The following CAB39L variants were observed in gnomAD, a reference collection of about 807,000 sequenced individuals.
The protein encoded by CAB39L is calcium binding protein 39 like.
Under a neutral mutation model 39.1 loss-of-function variants are expected in CAB39L, and 23 were observed. The observed-to-expected ratio is 0.59, with a 90% confidence interval of 0.42 to 0.83. The LOEUF (loss-of-function observed/expected upper bound fraction) is 0.83, where lower values mean the gene tolerates loss of function less well. CAB39L is among the 40% of genes least tolerant of loss of function. The pLI, the probability that CAB39L is intolerant of heterozygous loss-of-function variation, is 0.00. For missense variants in CAB39L, 366 were observed against 391.9 expected, an observed-to-expected ratio of 0.93 and a Z score of 0.56; for synonymous variants, 126 against 137.2, an observed-to-expected ratio of 0.92 and a Z score of 0.57.
At chr13:49,367,234 A>G (rs1173249224) in intron 5 of CAB39L, among the ~76,000 whole-genome samples, 1 of 152,198 alleles carries the variant, frequency 6.6e-6, no homozygotes, top group Non-Finnish European at 1.5e-5. Flanking sequence ...TTTACCAAAG[A>G]GGATATACAG....
At chr13:49,377,277 G>A in intron 4 of CAB39L, 146 bp from the exon 5 acceptor site, 1 of 384,964 alleles carries the variant, frequency 2.6e-6, no homozygotes, top group South Asian at 4.5e-5. Context: ...AACAAAAACA[G>A]TGAGGGGAAT....
At chr13:49,366,188 T>C (rs1955764087) in intron 5 of CAB39L, among the ~76,000 whole-genome samples, 1 of 151,626 alleles carries the variant, frequency 6.6e-6, no homozygotes, top group Non-Finnish European at 1.5e-5. Context: ...CAGGGTGAGA[T>C]GGGGATGGTT....
chr13:49,405,096 A>C (rs1388063179), intron 3 of CAB39L, among the ~76,000 whole-genome samples: 2 of 152,186 alleles, frequency 1.3e-5, no homozygotes, highest in African/African-American at 2.4e-5. Context: ...CACTAAGCAG[A>C]TTTTACCCCC....
chr13:49,316,203 T>G (rs758722618), intron 10 of CAB39L, among the ~76,000 whole-genome samples: 9 of 152,120 alleles, frequency 5.9e-5, no homozygotes, highest in Non-Finnish European at 1.3e-4. Flanking sequence ...AGAGATGCTA[T>G]GAACAATTAT....
intron 5 of CAB39L, among the ~76,000 whole-genome samples, chr13:49,369,919 T>A (rs1594003606): frequency 1.4e-4 from 1 of 7,078 alleles, no homozygotes; most frequent in East Asian, 1.6e-3. Context: ...GATGGAACTG[T>A]TGTTCTTCAT....
At chr13:49,398,865 T>C (rs1055813082) in intron 3 of CAB39L, among the ~76,000 whole-genome samples, 2 of 152,076 alleles carry the variant, frequency 1.3e-5, no homozygotes, top group Non-Finnish European at 2.9e-5. Flanking sequence ...CACCTGACTT[T>C]AGAATGTCCC....
At chr13:49,351,597 T>C (rs1015639627) in intron 6 of CAB39L, among the ~76,000 whole-genome samples, 1 of 152,122 alleles carries the variant, frequency 6.6e-6, no homozygotes, top group African/African-American at 2.4e-5. Context: ...AAGCAAGAAA[T>C]TGACAAGACT....
intron 3 of CAB39L, among the ~76,000 whole-genome samples, chr13:49,384,165 G>A (rs1171580866): frequency 6.6e-6 from 1 of 152,172 alleles, no homozygotes; most frequent in Non-Finnish European, 1.5e-5. Flanking sequence ...CTAAATTTAT[G>A]TAATATTCTA....
chr13:49,350,799 T>C lies in CAB39L; in HGVS notation c.509A>G (p.Lys170Arg). Residue 170 changes from lysine (K) to arginine (R), a missense_variant, in exon 7 of 11, where the codon AAG becomes AGG. Lys to Arg is a conservative substitution (Grantham distance 26). Transcript: ENST00000409308. ...LFSNQFRDFF[K>R]YVELSTFDIA... The stretch of plus-strand genomic sequence containing the variant: ...ATCAAATGTTGACAACTCCACGTAC[T>C]TAAAGAAATCTCTGAATTGATTAGA... 6.2e-7 allele frequency: 1 copy of C among 1,606,090 alleles called. No homozygotes were observed. Among genetic ancestry groups the C allele is most frequent in the Non-Finnish European group, 8.5e-7 (1 of 1,176,444 alleles).
At chr13:49,415,478 G>T (rs971815085) in intron 3 of CAB39L, among the ~76,000 whole-genome samples, 26 of 152,050 alleles carry the variant, frequency 1.7e-4, no homozygotes, top group Admixed American at 1.7e-3. Context: ...CCAAGATCGT[G>T]CCACTGCACT....
rs1339551999 is a variant in CAB39L, at chr13:49,385,920, G to T, written c.-31-2979C>A. 2.2e-5 allele frequency among the ~76,000 whole-genome samples: 3 copies of T among 136,516 alleles called. No homozygotes were observed. In the South Asian group the frequency reaches 7.6e-4, roughly 35 times the overall value. 89.6% of individuals were successfully genotyped at this position (136,516 alleles called of 152,430 possible). A position where few individuals can be genotyped will look rare whatever the true frequency, so the allele number is the denominator to read the frequency against. ...TGAGAATTAACAAAATGTATCAAGA[G>T]ATACAAAGTGAGCACATGCTGGTGA... is the stretch of plus-strand genomic sequence containing the variant. On this transcript the variant is annotated intron_variant, in intron 3 of 10. Coordinates refer to ENST00000409308, the MANE Select transcript of CAB39L (RefSeq NM_001079670.3).
intron 9 of CAB39L, among the ~76,000 whole-genome samples, 166 bp from the exon 10 acceptor site, chr13:49,332,256 T>C (rs1281859155): frequency 2.0e-5 from 3 of 152,186 alleles, no homozygotes; most frequent in Admixed American, 6.5e-5. Flanking sequence ...ATAAAAGCAA[T>C]AGTTATTGAG....
chr13:49,396,581 G>A lies in CAB39L; in HGVS notation c.-31-13640C>T, dbSNP rs897074070. Among the ~76,000 whole-genome samples, 3 of 151,880 alleles carry A rather than the reference G, an allele frequency of 2.0e-5. No homozygotes were observed. In the South Asian group the frequency reaches 6.2e-4, roughly 32 times the overall value. On this transcript the variant is annotated intron_variant, in intron 3 of 10. Coordinates refer to ENST00000409308, the MANE Select transcript of CAB39L (RefSeq NM_001079670.3). ...AAATTAGCCGGGTGTGGTGGCAGGC[G>A]CCTGTAATCCCAGCTACTCAGGAGG...
intron 5 of CAB39L, among the ~76,000 whole-genome samples, chr13:49,370,695 C>A (rs963936905): frequency 6.6e-6 from 1 of 152,192 alleles, no homozygotes; most frequent in Non-Finnish European, 1.5e-5. Flanking sequence ...AGTCTTCATC[C>A]TTATGCAGAT....
chr13:49,334,110 C>G (rs900439667), intron 9 of CAB39L, among the ~76,000 whole-genome samples: 1 of 152,098 alleles, frequency 6.6e-6, no homozygotes, highest in African/African-American at 2.4e-5. Context: ...TCTTGAACAC[C>G]TTTCATTCAA....
intron 9 of CAB39L, among the ~76,000 whole-genome samples, chr13:49,337,149 T>C (rs567132199): frequency 6.6e-6 from 1 of 152,232 alleles, no homozygotes; most frequent in Admixed American, 6.5e-5. Flanking sequence ...AGATTGACTT[T>C]ATTGTCTTAG....
intron 3 of CAB39L, among the ~76,000 whole-genome samples, chr13:49,404,223 G>A (rs1034033512): frequency 6.6e-6 from 1 of 152,164 alleles, no homozygotes; most frequent in African/African-American, 2.4e-5. Flanking sequence ...AAGAGAACAC[G>A]AGACTGTCTG....
In CAB39L at chr13:49,434,086, G is replaced by C. The variant is rs562124390; in HGVS notation, c.-108C>G. On this transcript the variant is annotated splice_region_variant and 5_prime_UTR_variant, in exon 2 of 11. Coordinates refer to ENST00000409308, the MANE Select transcript of CAB39L (RefSeq NM_001079670.3). ...CCATCAGAAATAAGAGAAAACTTACGCTTCTCTCCTTTAGTGCATTGCTCT... is the reference window on the plus strand; with the variant it reads ...CCATCAGAAATAAGAGAAAACTTACCCTTCTCTCCTTTAGTGCATTGCTCT... 2.2e-6 allele frequency: 1 copy of C among 446,006 alleles called. No homozygotes were observed. Among genetic ancestry groups the C allele is most frequent in the Non-Finnish European group, 4.5e-6 (1 of 224,150 alleles). 27.6% of individuals were successfully genotyped at this position (446,006 alleles called of 1,614,324 possible). A position where few individuals can be genotyped will look rare whatever the true frequency, so the allele number is the denominator to read the frequency against.
intron 7 of CAB39L, among the ~76,000 whole-genome samples, chr13:49,349,675 C>A (rs1349429900): frequency 1.3e-5 from 2 of 151,664 alleles, no homozygotes; most frequent in Admixed American, 6.6e-5. Context: ...TAATTATTAT[C>A]CCTCCCCAAA....
Sources: allele counts gnomAD v4.1 joint callset (sites outside exome capture counted in the v4.1 genomes callset), GRCh38; gene constraint gnomAD v4.1.1; transcripts MANE v1.5; gene names NCBI Gene and HGNC (gene_info 2026-07-23, HGNC 2026-07-21).